LRP5: variants seen among roughly 807,000 people sequenced by gnomAD.
LRP5 encodes the protein LDL receptor related protein 5.
A neutral mutation model predicts 154.1 loss-of-function variants in LRP5; 62 were observed. The ratio of observed to expected loss-of-function variants is 0.40; its 90% CI spans 0.33 to 0.50. The LOEUF is 0.50. Among genes scored for constraint, LRP5 ranks in the 20% least tolerant of loss-of-function variants. The pLI, the probability that LRP5 is intolerant of heterozygous loss-of-function variation, is 0.55. For synonymous variants in LRP5, 966 were observed against 1,011.5 expected, an observed-to-expected ratio of 0.96 and a Z score of 0.85; for missense variants, 1,915 against 2,336.7, an observed-to-expected ratio of 0.82 and a Z score of 3.72.
At chr11:68,299,715 TGGGATTAC>T in the LRP5 span, among the ~76,000 whole-genome samples, 10 of 150,692 alleles carry the variant, frequency 6.6e-5, no homozygotes, top group South Asian at 2.1e-4. Context: ...CCTGAGTAGC[TGGGATTAC>T]AGGCACCCAC....
intron 1 of LRP5, among the ~76,000 whole-genome samples, chr11:68,336,916 A>G (rs545031652): frequency 1.3e-5 from 2 of 152,276 alleles, no homozygotes; most frequent in Admixed American, 1.3e-4. Flanking sequence ...TTAATAAATC[A>G]TTGAAAACAG....
At chr11:68,322,577 A>G (rs1359848879) in intron 1 of LRP5, among the ~76,000 whole-genome samples, 1 of 152,102 alleles carries the variant, frequency 6.6e-6, no homozygotes, top group African/African-American at 2.4e-5. Flanking sequence ...TCTGTCTGGA[A>G]CCTTCCATGG....
Position 68,404,374 on chromosome 11 carries a change from A to G in LRP5, c.1801+675A>G, listed in dbSNP as rs555106014. 1,112 of 522,150 alleles carry G rather than the reference A, an allele frequency of 2.1e-3. 4 individuals carry two copies. Among genetic ancestry groups the G allele is most frequent in the Non-Finnish European group, 3.2e-3 (863 of 267,196 alleles). The allele number at this position is 522,150 out of a possible 1,614,324, so 32.3% of individuals were successfully genotyped here. A position where few individuals can be genotyped will look rare whatever the true frequency, so the allele number is the denominator to read the frequency against. On this transcript the variant is annotated intron_variant, in intron 8 of 22. Transcript: ENST00000294304. The stretch of plus-strand genomic sequence containing the variant: ...ATCTTTGCTGATGAAGGATGAGAGG[A>G]CAGAGGACGTGATGCTTGCTGCTGC...
At chr11:68,411,756 G>A in intron 11 of LRP5, 136 bp downstream of exon 11, 1 of 893,308 alleles carries the variant, frequency 1.1e-6, no homozygotes, top group Non-Finnish European at 1.7e-6. Flanking sequence ...ACCCACGACT[G>A]CCCAGCAGCC....
chr11:68,313,890 C>G (rs932222634), intron 1 of LRP5, among the ~76,000 whole-genome samples: 3 of 152,298 alleles, frequency 2.0e-5, no homozygotes, highest in African/African-American at 7.2e-5. Flanking sequence ...GCCCTGTAGT[C>G]AGATCCCCCA....
chr11:68,425,713 A>G (rs1248465184), intron 15 of LRP5, among the ~76,000 whole-genome samples: 1 of 152,152 alleles, frequency 6.6e-6, no homozygotes, highest in African/African-American at 2.4e-5. Flanking sequence ...GGGAGGGGCC[A>G]TGCTTGCAGG....
At chr11:68,325,935 G>C (rs1358932639) in intron 1 of LRP5, among the ~76,000 whole-genome samples, 1 of 152,192 alleles carries the variant, frequency 6.6e-6, no homozygotes, top group Non-Finnish European at 1.5e-5. Context: ...CCATCGCATC[G>C]CAATTGTTAC....
upstream of LRP5, among the ~76,000 whole-genome samples, chr11:68,311,266 C>T (rs1380899507): frequency 2.0e-5 from 3 of 152,222 alleles, no homozygotes; most frequent in Non-Finnish European, 4.4e-5. Context: ...TGAGGTCTGA[C>T]ATGTGCTGGC....
intron 1 of LRP5, among the ~76,000 whole-genome samples, chr11:68,323,672 A>T (rs2098598030): frequency 6.6e-6 from 1 of 152,178 alleles, no homozygotes; most frequent in South Asian, 2.1e-4. Context: ...CTCTTGCCTC[A>T]GCTTCCCAAA....
intron 1 of LRP5, among the ~76,000 whole-genome samples, chr11:68,336,566 T>G (rs1017971436): frequency 8.5e-5 from 13 of 152,190 alleles, no homozygotes; most frequent in African/African-American, 2.9e-4. Flanking sequence ...CCTCCCGGTT[T>G]CAAGCTATTT....
intron 9 of LRP5, among the ~76,000 whole-genome samples, chr11:68,409,073 AATATATATAT>A: frequency 2.3e-5 from 1 of 44,180 alleles, no homozygotes; most frequent in Non-Finnish European, 3.7e-5. Flanking sequence ...AAAAAAAAAA[AATATATATAT>A]ATATATATAT....
At chr11:68,364,714 T>G (rs2098629975) in intron 4 of LRP5, among the ~76,000 whole-genome samples, 1 of 152,014 alleles carries the variant, frequency 6.6e-6, no homozygotes, top group African/African-American at 2.4e-5. Flanking sequence ...CAGGCCATTA[T>G]GGAAGGTTTG....
intron 16 of LRP5, among the ~76,000 whole-genome samples, chr11:68,427,875 T>A (rs2098669639): frequency 6.6e-6 from 1 of 152,216 alleles, no homozygotes; most frequent in East Asian, 1.9e-4. Context: ...CTTCTCATTG[T>A]CCGGGTGTTG....
At chr11:68,410,244 A>T in intron 10 of LRP5, 104 bp downstream of exon 10, 1 of 876,612 alleles carries the variant, frequency 1.1e-6, no homozygotes, top group Non-Finnish European at 1.9e-6. Context: ...GCCCTCGGTG[A>T]TTAGAGCTGT....
chr11:68,414,979 G>C (rs74441579), intron 12 of LRP5, among the ~76,000 whole-genome samples: 1,582 of 152,352 alleles, frequency 0.01, 43 homozygotes, highest in African/African-American at 0.036. Flanking sequence ...CCACGGCAAG[G>C]AGGGGTTGCC....
intron 7 of LRP5, among the ~76,000 whole-genome samples, chr11:68,390,672 G>A (rs1214325526): frequency 6.8e-6 from 1 of 146,074 alleles, no homozygotes; most frequent in East Asian, 2.1e-4. Flanking sequence ...GGGTTTCAGT[G>A]GCCTCGTCCC....
chr11:68,431,236 T>C (rs2098671704), intron 17 of LRP5, among the ~76,000 whole-genome samples: 1 of 144,538 alleles, frequency 6.9e-6, no homozygotes, highest in South Asian at 2.3e-4. Context: ...GCACCCTTTT[T>C]TTTTTTTTTT....
chr11:68,303,047 C>G, the LRP5 span, among the ~76,000 whole-genome samples: 1 of 152,160 alleles, frequency 6.6e-6, no homozygotes, highest in Admixed American at 6.6e-5. Flanking sequence ...GGGAGGAACA[C>G]GTGCAGAAAG....
intron 21 of LRP5, among the ~76,000 whole-genome samples, chr11:68,441,557 C>G (rs899837089): frequency 2.0e-5 from 3 of 152,178 alleles, no homozygotes; most frequent in Admixed American, 6.5e-5. Context: ...ACCCACTGCC[C>G]TTCTTCCCTG....
Sources: allele counts gnomAD v4.1 joint callset (sites outside exome capture counted in the v4.1 genomes callset), GRCh38; gene constraint gnomAD v4.1.1; transcripts MANE v1.5; gene names NCBI Gene and HGNC (gene_info 2026-07-23, HGNC 2026-07-21).